The following LMX1B variants were observed in gnomAD, a reference collection of about 807,000 sequenced individuals.
LMX1B encodes the protein LIM homeobox transcription factor 1-beta.
A neutral mutation model predicts 51.4 loss-of-function variants in LMX1B; 12 were observed. The ratio of observed to expected loss-of-function variants is 0.23; its 90% CI spans 0.15 to 0.38. LMX1B has a LOEUF of 0.38. Ranked by LOEUF, LMX1B falls within the 10% of genes least tolerant of loss-of-function variation. The pLI, the probability that LMX1B is intolerant of heterozygous loss-of-function variation, is 1.00. For synonymous variants in LMX1B, 237 were observed against 235.4 expected (o/e 1.01, Z -0.06); for missense variants, 445 against 571.1 (o/e 0.78, Z 2.25).
At chr9:126,655,172 C>T (rs1836089083) in intron 2 of LMX1B, among the ~76,000 whole-genome samples, 1 of 152,222 alleles carries the variant, frequency 6.6e-6, no homozygotes, top group Non-Finnish European at 1.5e-5. Context: ...TGGAGGTGCC[C>T]AAAGATGCCC....
intron 2 of LMX1B, among the ~76,000 whole-genome samples, chr9:126,630,153 C>G (rs1405199533): frequency 2.3e-5 from 3 of 131,796 alleles, no homozygotes; most frequent in Middle Eastern, 3.6e-3. Context: ...CAGAGCAAGA[C>G]TCCGTCTCAA....
At position 126,658,850 on chromosome 9, in the gene LMX1B, G is replaced by T. The variant is rs1401581723; in HGVS notation, c.327-31986G>T. Among the ~76,000 whole-genome samples the T allele has an allele frequency of 6.6e-6, 1 of 152,230 alleles. No homozygotes were observed. The highest frequency in any genetic ancestry group is 2.4e-5 in the African/African-American group (1 of 41,458). ...TCAGAAAGCCCCCTTGCCTGTATCA[G>T]GCCTGGTTTGCTGTGGAGAGAAGGA... On this transcript the variant is annotated intron_variant, in intron 2 of 7. Coordinates refer to ENST00000373474, the MANE Select transcript of LMX1B (RefSeq NM_001174147.2). The surrounding 1 kb of genome is among the most constrained non-coding windows in gnomAD (Gnocchi z 4.0).
chr9:126,647,579 C>G (rs1365942492), intron 2 of LMX1B, among the ~76,000 whole-genome samples: 1 of 152,196 alleles, frequency 6.6e-6, no homozygotes, highest in East Asian at 1.9e-4. Flanking sequence ...TCACTCAAAT[C>G]TGCCTGGTTT....
At chr9:126,693,655 G>A in intron 5 of LMX1B, 54 bp downstream of exon 5, 2 of 1,609,946 alleles carry the variant, frequency 1.2e-6, no homozygotes, top group South Asian at 1.1e-5. Flanking sequence ...GACTAGAGGG[G>A]GCAGCCAGAA....
At position 126,695,737 on chromosome 9, in the gene LMX1B, G is replaced by T. The variant is rs544901621; in HGVS notation, c.887-102G>T. The T allele has an allele frequency of 4.5e-6, 6 of 1,345,440 alleles. No individual in the cohort carries two copies. Among genetic ancestry groups the T allele is most frequent in the Non-Finnish European group, 6.3e-6 (6 of 957,838 alleles). 83.3% of individuals were successfully genotyped at this position (1,345,440 alleles called of 1,614,324 possible). A position where few individuals can be genotyped will look rare whatever the true frequency, so the allele number is the denominator to read the frequency against. On this transcript the variant is annotated intron_variant, in intron 6 of 7. Transcript: ENST00000373474. This position sits in a 1 kb window ranked among gnomAD's most constrained non-coding sequence, Gnocchi z 5.2. ...TGTCTGGACAGCTTCAGCCAGAGTG[G>T]GGTGCCTGGGGAGTCCCAAGGAGAT...
In LMX1B at chr9:126,614,513, G is replaced by A. The variant is rs747468994; in HGVS notation, c.64G>A (p.Ala22Thr). The change falls in exon 1 of 8, where the codon GCC becomes ACC. Residue 22 changes from alanine to threonine, a missense_variant. Ala to Thr is a moderately conservative substitution (Grantham distance 58, BLOSUM62 0). Around this residue, in one of 3 missense-constraint regions of LMX1B, gnomAD observed 273 missense variants for 343.3 expected, o/e 0.80. Coordinates refer to ENST00000373474, the MANE Select transcript of LMX1B (RefSeq NM_001174147.2). ...RCFPRGQTDC[A>T]KMLDGIKMEE... ...CTTCCCTCGCGGGCAGACGGACTGCGCCAAGATGTTGGACGGCATCAAGAT... is the reference window on the plus strand; with the variant it reads ...CTTCCCTCGCGGGCAGACGGACTGCACCAAGATGTTGGACGGCATCAAGAT... 4 of 1,607,070 alleles carry A rather than the reference G, an allele frequency of 2.5e-6. No homozygotes were observed. In the Admixed American group the frequency reaches 5.1e-5, roughly 20 times the overall value.
rs2030427517 is a variant in LMX1B, at chr9:126,698,577, G to A, written c.*2126G>A. Reference sequence around the variant, plus strand: ...GCTGGGCTGCTGGGGCCTGACTGGTGAGCCCACCCTGTCCCCTGGTGATCA... The same window carrying A: ...GCTGGGCTGCTGGGGCCTGACTGGTAAGCCCACCCTGTCCCCTGGTGATCA... On this transcript the variant is annotated 3_prime_UTR_variant, in exon 8 of 8. Coordinates refer to ENST00000373474, the MANE Select transcript of LMX1B (RefSeq NM_001174147.2). 6.6e-6 allele frequency: 1 copy of A among 152,486 alleles called. No homozygotes were observed. The highest frequency in any genetic ancestry group is 1.5e-5 in the Non-Finnish European group (1 of 68,268). 9.4% of individuals were successfully genotyped at this position (152,486 alleles called of 1,614,324 possible).
chr9:126,696,016 A>ACCGGGCCCCCC lies in LMX1B; in HGVS notation c.1051+15_1051+16insGGGCCCCCCCC. The ACCGGGCCCCCC allele has an allele frequency of 6.6e-7, 1 of 1,512,704 alleles. No individual in the cohort carries two copies. The highest frequency in any genetic ancestry group is 8.8e-7 in the Non-Finnish European group (1 of 1,131,798). The allele number at this position is 1,512,704 out of a possible 1,614,324, so 93.7% of individuals were successfully genotyped here. A position where few individuals can be genotyped will look rare whatever the true frequency, so the allele number is the denominator to read the frequency against. ...ATGAACCCCTATGGTAAGCCGCCCT[A>ACCGGGCCCCCC]CCCCCACCCGCCCGCCCCAGCACAG... is the stretch of plus-strand genomic sequence containing the variant. On this transcript the variant is annotated intron_variant, in intron 7 of 7. Transcript: ENST00000373474.
intron 6 of LMX1B, among the ~76,000 whole-genome samples, chr9:126,694,023 A>G (rs1233887785): frequency 2.6e-5 from 4 of 152,226 alleles, no homozygotes; most frequent in Non-Finnish European, 5.9e-5. Context: ...CACCAAGGCC[A>G]TCAGATCCCA....
chr9:126,668,331 G>A (rs1836384811), intron 2 of LMX1B, among the ~76,000 whole-genome samples: 1 of 152,094 alleles, frequency 6.6e-6, no homozygotes, highest in Non-Finnish European at 1.5e-5. Context: ...ACGCTGCAGA[G>A]GCAGATCATA....
intron 3 of LMX1B, 50 bp from the exon 4 acceptor site, chr9:126,693,092 C>T (rs757234484): frequency 6.5e-7 from 1 of 1,532,696 alleles, no homozygotes; most frequent in South Asian, 1.2e-5. Context: ...AAGGCTGAGG[C>T]CTGGGCTGCC....
intron 2 of LMX1B, among the ~76,000 whole-genome samples, chr9:126,678,335 A>AC (rs796867105): frequency 0.014 from 1,973 of 140,634 alleles, 45 homozygotes; most frequent in African/African-American, 0.034. Flanking sequence ...AAAACAAAAA[A>AC]AAAAAACAAA....
At chr9:126,651,537 C>G (rs376459079) in intron 2 of LMX1B, among the ~76,000 whole-genome samples, 14 of 152,178 alleles carry the variant, frequency 9.2e-5, no homozygotes, top group East Asian at 3.9e-4. Context: ...TCTTCTCCCC[C>G]CCTCCCAACA....
intron 2 of LMX1B, among the ~76,000 whole-genome samples, chr9:126,630,264 G>T (rs563788215): frequency 1.3e-5 from 2 of 152,062 alleles, no homozygotes; most frequent in Admixed American, 6.5e-5. Flanking sequence ...CACAGCCAGT[G>T]GGGGGCTATG....
intron 2 of LMX1B, among the ~76,000 whole-genome samples, chr9:126,663,850 C>T (rs908614093): frequency 6.6e-6 from 1 of 152,276 alleles, no homozygotes; most frequent in Non-Finnish European, 1.5e-5. Flanking sequence ...TCATCCCAGA[C>T]CAGGCCACCC....
In LMX1B at chr9:126,699,725, T is replaced by G. The variant is rs539927124; in HGVS notation, c.*3274T>G. On this transcript the variant is annotated 3_prime_UTR_variant, in exon 8 of 8. Transcript: ENST00000373474. ...AGTCCAGACATGGCAGGGACCCGTT[T>G]CTCAGATGAGGAGCCTGAGGCTCAG... 1 of 152,398 alleles carries G rather than the reference T, an allele frequency of 6.6e-6. No homozygotes were observed. The highest frequency in any genetic ancestry group is 2.1e-4 in the South Asian group (1 of 4,836). The allele number at this position is 152,398 out of a possible 1,614,324, so 9.4% of individuals were successfully genotyped here. A position where few individuals can be genotyped will look rare whatever the true frequency, so the allele number is the denominator to read the frequency against.
At chr9:126,620,598 T>G (rs867292684) in intron 2 of LMX1B, among the ~76,000 whole-genome samples, 1 of 151,998 alleles carries the variant, frequency 6.6e-6, no homozygotes, top group African/African-American at 2.4e-5. Context: ...CTCTTTCTCC[T>G]TTGGGGGCAG....
chr9:126,655,578 A>G (rs1345702086), intron 2 of LMX1B, among the ~76,000 whole-genome samples: 1 of 152,166 alleles, frequency 6.6e-6, no homozygotes, highest in Non-Finnish European at 1.5e-5. Flanking sequence ...TCACGGATGT[A>G]TTCTTAGACC....
rs77912467 is a variant in LMX1B, at chr9:126,689,112, G to C, written c.327-1724G>C. The stretch of plus-strand genomic sequence containing the variant: ...CCCCCAGACTGGGGCATCAGAGAAG[G>C]CTTCCCAGAGGAGGTGGCATTGGAG... On this transcript the variant is annotated intron_variant, in intron 2 of 7. Coordinates refer to ENST00000373474, the MANE Select transcript of LMX1B (RefSeq NM_001174147.2). Among the ~76,000 whole-genome samples, 365 of 152,346 alleles carry C rather than the reference G, an allele frequency of 2.4e-3. 1 individual carries two copies. The highest frequency in any genetic ancestry group is 8.4e-3 in the African/African-American group (350 of 41,584).
Sources: allele counts gnomAD v4.1 joint callset (sites outside exome capture counted in the v4.1 genomes callset), GRCh38; gene constraint gnomAD v4.1.1; regional missense constraint gnomAD v4.1.1; non-coding constraint Gnocchi (gnomAD v3.1); transcripts MANE v1.5; gene names NCBI Gene and HGNC (gene_info 2026-07-23, HGNC 2026-07-21).